ERC2: variants seen among roughly 807,000 people sequenced by gnomAD.
ERC2 encodes the protein ELKS/RAB6-interacting/CAST family member 2, also known as ERC protein 2.
A neutral mutation model predicts 114.8 loss-of-function variants in ERC2; 42 were observed. That is an observed-to-expected ratio of 0.37 (90% CI 0.29 to 0.47). ERC2 has a LOEUF of 0.47. Among genes scored for constraint, ERC2 ranks in the 20% least tolerant of loss-of-function variants. ERC2 has a pLI of 0.99. For missense variants in ERC2, 939 were observed against 1,150.7 expected, an observed-to-expected ratio of 0.82 and a Z score of 2.66; for synonymous variants, 454 against 425.5, an observed-to-expected ratio of 1.07 and a Z score of -0.82.
chr3:55,642,786 A>G (rs564415994), intron 17 of ERC2, among the ~76,000 whole-genome samples: 1 of 152,164 alleles, frequency 6.6e-6, no homozygotes, highest in South Asian at 2.1e-4. Flanking sequence ...TTAAATTCAC[A>G]TTGTATATGG....
At chr3:55,978,074 A>G (rs2069737748) in intron 12 of ERC2, among the ~76,000 whole-genome samples, 2 of 152,200 alleles carry the variant, frequency 1.3e-5, no homozygotes, top group South Asian at 4.1e-4. Context: ...CCTGATACAG[A>G]GCAGACATAC....
chr3:55,765,336 G>A (rs1307064827), intron 14 of ERC2, among the ~76,000 whole-genome samples: 1 of 152,090 alleles, frequency 6.6e-6, no homozygotes, highest in African/African-American at 2.4e-5. Context: ...TACTTTTCTT[G>A]GCAGATTAAA....
chr3:55,513,939 A>C (rs4498004), intron 17 of ERC2, among the ~76,000 whole-genome samples: 100,937 of 151,994 alleles, frequency 0.66, 34,462 homozygotes, highest in African/African-American at 0.77. Context: ...CCAGCCTACC[A>C]GTTTAGAGAG....
At chr3:55,583,892 C>CA (rs1426122929) in intron 17 of ERC2, among the ~76,000 whole-genome samples, 2 of 151,390 alleles carry the variant, frequency 1.3e-5, no homozygotes, top group South Asian at 2.1e-4. Context: ...TTGCTAGCCC[C>CA]CCTCCCAAAA....
At chr3:55,799,423 C>CATATAT (rs1171224151) in intron 14 of ERC2, among the ~76,000 whole-genome samples, 3 of 110,524 alleles carry the variant, frequency 2.7e-5, no homozygotes, top group African/African-American at 1.4e-4. Context: ...TATATATATG[C>CATATAT]ATATATATAT....
chr3:55,840,570 A>C (rs548567426), intron 14 of ERC2, among the ~76,000 whole-genome samples: 1 of 151,988 alleles, frequency 6.6e-6, no homozygotes, highest in African/African-American at 2.4e-5. Flanking sequence ...AAAACAGTCA[A>C]CGATTTCTTG....
chr3:56,444,412 C>A (rs2062466228), intron 1 of ERC2, among the ~76,000 whole-genome samples: 2 of 152,130 alleles, frequency 1.3e-5, no homozygotes, highest in Admixed American at 1.3e-4. Flanking sequence ...TTGCGCAACA[C>A]CCTTCACTTT....
intron 3 of ERC2, among the ~76,000 whole-genome samples, chr3:56,247,617 A>G (rs560571878): frequency 2.6e-5 from 4 of 152,332 alleles, no homozygotes; most frequent in Admixed American, 1.3e-4. Context: ...TCTTACAACT[A>G]TTGAAGACTG....
chr3:55,787,359 G>A (rs963944924), intron 14 of ERC2, among the ~76,000 whole-genome samples: 3 of 152,080 alleles, frequency 2.0e-5, no homozygotes, highest in African/African-American at 7.2e-5. Flanking sequence ...GGAAGATGTG[G>A]AAAGTTGTGA....
At chr3:55,900,500 G>A (rs1250038517) in intron 13 of ERC2, among the ~76,000 whole-genome samples, 1 of 152,100 alleles carries the variant, frequency 6.6e-6, no homozygotes, top group Non-Finnish European at 1.5e-5. Context: ...ACAATTCCAA[G>A]GAAGGAGAAG....
At chr3:55,706,705 C>T (rs2148843803) in intron 15 of ERC2, among the ~76,000 whole-genome samples, 1 of 152,310 alleles carries the variant, frequency 6.6e-6, no homozygotes, top group African/African-American at 2.4e-5. Context: ...AGCTACCTCA[C>T]CCAGCTTGGG....
chr3:55,935,131 A>C (rs754458842), intron 13 of ERC2, among the ~76,000 whole-genome samples: 3 of 152,232 alleles, frequency 2.0e-5, no homozygotes, highest in Non-Finnish European at 2.9e-5. Flanking sequence ...CATGTTTTTT[A>C]GAACCAAGTC....
At chr3:56,170,828 G>A (rs951460980) in intron 4 of ERC2, among the ~76,000 whole-genome samples, 4 of 147,630 alleles carry the variant, frequency 2.7e-5, no homozygotes, top group African/African-American at 7.5e-5. Context: ...GTGGTGGCAC[G>A]ATCTCGACTC....
intron 17 of ERC2, among the ~76,000 whole-genome samples, chr3:55,553,396 C>T (rs1425617160): frequency 6.6e-6 from 1 of 152,042 alleles, no homozygotes; most frequent in Non-Finnish European, 1.5e-5. Context: ...GAACACCCCA[C>T]ATTAAGAATT....
chr3:55,807,501 T>C (rs1195753328), intron 14 of ERC2, among the ~76,000 whole-genome samples: 1 of 151,474 alleles, frequency 6.6e-6, no homozygotes, highest in Non-Finnish European at 1.5e-5. Flanking sequence ...GCTTTGTGGG[T>C]CATATGAACA....
chr3:55,632,569 C>G (rs2059799996), intron 17 of ERC2, among the ~76,000 whole-genome samples: 1 of 152,200 alleles, frequency 6.6e-6, no homozygotes, highest in Non-Finnish European at 1.5e-5. Flanking sequence ...AGACATCTGG[C>G]TTGGCCATGT....
intron 11 of ERC2, among the ~76,000 whole-genome samples, chr3:55,988,236 G>A (rs188677379): frequency 2.0e-5 from 3 of 152,274 alleles, no homozygotes; most frequent in Admixed American, 6.5e-5. Context: ...TGACATTGGA[G>A]ATGGAATAAA....
At chr3:56,424,954 C>G (rs2061510336) in intron 2 of ERC2, among the ~76,000 whole-genome samples, 1 of 152,206 alleles carries the variant, frequency 6.6e-6, no homozygotes, top group South Asian at 2.1e-4. Context: ...ACCTTACACA[C>G]AGACGCAACA....
intron 6 of ERC2, among the ~76,000 whole-genome samples, chr3:56,117,621 G>A (rs1465642395): frequency 1.3e-5 from 2 of 152,222 alleles, no homozygotes; most frequent in Non-Finnish European, 2.9e-5. Context: ...TGTGAAAATA[G>A]CATGATGTAA....
Sources: gnomAD v4.1 joint callset for allele counts (sites outside exome capture counted in the v4.1 genomes callset) on GRCh38, gnomAD v4.1.1 for gene constraint, MANE v1.5 for transcripts, NCBI Gene and HGNC (gene_info 2026-07-23, HGNC 2026-07-21) for gene names.